The following FBXO42 variants were observed in gnomAD, a reference collection of about 807,000 sequenced individuals.
The protein encoded by FBXO42 is F-box protein 42.
In FBXO42, 12 loss-of-function variants were observed where a neutral mutation model predicts 71.7. That is an observed-to-expected ratio of 0.17 (90% CI 0.11 to 0.27). The LOEUF is 0.27. Ranked by LOEUF, FBXO42 falls within the 10% of genes least tolerant of loss-of-function variation. FBXO42 has a pLI of 1.00. For synonymous variants in FBXO42, 325 were observed against 327.5 expected (o/e 0.99, Z 0.08); for missense variants, 707 against 911.9 (o/e 0.78, Z 2.89).
At chr1:16,269,842 T>A (rs1391778966) in intron 4 of FBXO42, among the ~76,000 whole-genome samples, 1 of 141,430 alleles carries the variant, frequency 7.1e-6, no homozygotes, top group Non-Finnish European at 1.6e-5. Flanking sequence ...TATGTTTTCT[T>A]TGTTTTTTCT....
At chr1:16,350,773 G>GAAAGAAAGAAAA (rs2082696081) in intron 1 of FBXO42, among the ~76,000 whole-genome samples, 1 of 142,374 alleles carries the variant, frequency 7.0e-6, no homozygotes. Flanking sequence ...AAGAAAGAAA[G>GAAAGAAAGAAAA]AAAGAAAGAA....
intron 1 of FBXO42, among the ~76,000 whole-genome samples, chr1:16,336,255 T>G (rs2082552414): frequency 6.6e-6 from 1 of 151,484 alleles, no homozygotes; most frequent in Non-Finnish European, 1.5e-5. Context: ...ACTTTTTGTG[T>G]GCCTCTCCTC....
chr1:16,339,568 T>C (rs865877206), intron 1 of FBXO42, among the ~76,000 whole-genome samples: 1 of 151,146 alleles, frequency 6.6e-6, no homozygotes, highest in African/African-American at 2.4e-5. Context: ...GCCTCAGCCA[T>C]CCAAAGTGCT....
intron 4 of FBXO42, among the ~76,000 whole-genome samples, chr1:16,288,559 A>G (rs948666017): frequency 6.6e-6 from 1 of 152,112 alleles, no homozygotes; most frequent in Non-Finnish European, 1.5e-5. Flanking sequence ...TCTCCCAAAT[A>G]TTTATTTTCC....
At chr1:16,343,454 G>A (rs1277649737) in intron 1 of FBXO42, among the ~76,000 whole-genome samples, 1 of 152,162 alleles carries the variant, frequency 6.6e-6, no homozygotes, top group African/African-American at 2.4e-5. Context: ...GCTGAGATGG[G>A]ACAGTAACTT....
chr1:16,346,289 A>C (rs960183918), intron 1 of FBXO42, among the ~76,000 whole-genome samples: 1 of 152,186 alleles, frequency 6.6e-6, no homozygotes, highest in East Asian at 1.9e-4. Flanking sequence ...AAAACAACTG[A>C]AAGTATCCTA....
At chr1:16,268,743 G>A (rs2081804658) in intron 4 of FBXO42, among the ~76,000 whole-genome samples, 1 of 152,010 alleles carries the variant, frequency 6.6e-6, no homozygotes. Context: ...GCAGGCAGAT[G>A]ACCTGAGGTC....
chr1:16,277,800 G>A (rs761316851), intron 4 of FBXO42, among the ~76,000 whole-genome samples: 65 of 151,784 alleles, frequency 4.3e-4, no homozygotes, highest in Non-Finnish European at 3.5e-4. Context: ...CAGCACTTTC[G>A]GAGGATGAGG....
At chr1:16,303,975 T>C (rs2082224028) in intron 3 of FBXO42, among the ~76,000 whole-genome samples, 1 of 152,240 alleles carries the variant, frequency 6.6e-6, no homozygotes, top group South Asian at 2.1e-4. Context: ...ATGGAATTGT[T>C]CATATTTTTA....
chr1:16,343,949 T>C (rs2082631684), intron 1 of FBXO42, among the ~76,000 whole-genome samples: 1 of 140,748 alleles, frequency 7.1e-6, no homozygotes, highest in South Asian at 2.2e-4. Flanking sequence ...CACTTTAGCA[T>C]GGCAAAAAAA....
At chr1:16,343,632 G>A (rs535972904) in intron 1 of FBXO42, among the ~76,000 whole-genome samples, 9 of 152,174 alleles carry the variant, frequency 5.9e-5, no homozygotes, top group African/African-American at 1.4e-4. Flanking sequence ...GACCAGCCTC[G>A]CCAAGATGGT....
intron 1 of FBXO42, among the ~76,000 whole-genome samples, chr1:16,328,764 T>A (rs1467060664): frequency 6.6e-6 from 1 of 152,136 alleles, no homozygotes; most frequent in Non-Finnish European, 1.5e-5. Context: ...CCAGGGCTCC[T>A]TGGTGAAACG....
intron 1 of FBXO42, among the ~76,000 whole-genome samples, chr1:16,317,491 G>A (rs1373254906): frequency 6.6e-6 from 1 of 151,988 alleles, no homozygotes; most frequent in Non-Finnish European, 1.5e-5. Flanking sequence ...AGTTACTTGG[G>A]AGGATGAGGC....
Position 16,251,468 on chromosome 1 carries a change from A to G in FBXO42, c.1356T>C (p.Gly452=). 1.9e-6 allele frequency: 3 copies of G among 1,613,944 alleles called. No homozygotes were observed. The highest frequency in any genetic ancestry group is 1.7e-6 in the Non-Finnish European group (2 of 1,179,956). Residue 452 remains glycine (G), a synonymous_variant, in exon 10 of 10, where the codon GGT becomes GGC. Coordinates refer to ENST00000375592, the MANE Select transcript of FBXO42 (RefSeq NM_018994.3). The surrounding 1 kb of genome is among the most constrained non-coding windows in gnomAD (Gnocchi z 4.5). Reference sequence around the variant, plus strand: ...GTACAGGACTGTCCAAAGAAGAGCCACCCACAGCTGCCGTTCCTGGAGACA... The same window carrying G: ...GTACAGGACTGTCCAAAGAAGAGCCGCCCACAGCTGCCGTTCCTGGAGACA... The part of the protein sequence containing the change: ...GSLSPGTAAV[G]GSSLDSPVQA...
chr1:16,256,976 A>G (rs934419556), intron 4 of FBXO42, among the ~76,000 whole-genome samples: 2 of 152,244 alleles, frequency 1.3e-5, no homozygotes, highest in African/African-American at 4.8e-5. Context: ...TATGAGTTAG[A>G]GAAAAGTTAC....
intron 1 of FBXO42, among the ~76,000 whole-genome samples, chr1:16,344,486 C>CTTTTTTTTTTTTTTTTT (rs59077549): frequency 1.1e-5 from 1 of 87,160 alleles, no homozygotes; most frequent in Non-Finnish European, 2.2e-5. Flanking sequence ...ACCCAGCTAA[C>CTTTTTTTTTTTTTTTTT]TTTTTTTTTT....
At chr1:16,260,354 G>A (rs1041955077) in intron 4 of FBXO42, among the ~76,000 whole-genome samples, 10 of 151,708 alleles carry the variant, frequency 6.6e-5, no homozygotes, top group African/African-American at 2.2e-4. Context: ...GATTACAGGC[G>A]TATACTGCCA....
chr1:16,258,640 A>C (rs368789337), intron 4 of FBXO42, among the ~76,000 whole-genome samples: 5 of 152,184 alleles, frequency 3.3e-5, no homozygotes, highest in African/African-American at 1.2e-4. Flanking sequence ...TACAGGTGTA[A>C]GCCACTGTGC....
chr1:16,332,977 G>A (rs1557605324), intron 1 of FBXO42, among the ~76,000 whole-genome samples: 2 of 152,146 alleles, frequency 1.3e-5, no homozygotes, highest in South Asian at 4.1e-4. Flanking sequence ...GTACTTGTTT[G>A]TGAAATACCT....
Sources: gnomAD v4.1 joint callset for allele counts (sites outside exome capture counted in the v4.1 genomes callset) on GRCh38, gnomAD v4.1.1 for gene constraint, Gnocchi (gnomAD v3.1) non-coding constraint, MANE v1.5 for transcripts, NCBI Gene and HGNC (gene_info 2026-07-23, HGNC 2026-07-21) for gene names.